GIPC1: variants seen among roughly 807,000 people sequenced by gnomAD.
The protein encoded by GIPC1 is GIPC PDZ domain containing family member 1.
Under a neutral mutation model 28.5 loss-of-function variants are expected in GIPC1, and 15 were observed. That is an observed-to-expected ratio of 0.53 (90% CI 0.35 to 0.81). The LOEUF (loss-of-function observed/expected upper bound fraction) is 0.81, where lower values mean the gene tolerates loss of function less well. Ranked by LOEUF, GIPC1 falls within the 30% of genes least tolerant of loss-of-function variation. GIPC1 has a pLI of 0.01. For missense variants in GIPC1, 439 were observed against 481.9 expected (o/e 0.91, Z 0.83); for synonymous variants, 224 against 206.1 (o/e 1.09, Z -0.74).
At position 14,482,461 on chromosome 19, in the gene GIPC1, C is replaced by T. The variant is rs2071748819; in HGVS notation, c.288+228G>A. On this transcript the variant is annotated intron_variant, in intron 4 of 8. Transcript: ENST00000393033. ...GGTCTCCCAGTGCCTGATGGGAACTCAGCATCCAGCCCTGGCCTCCAGTTC... is the reference window on the plus strand; with the variant it reads ...GGTCTCCCAGTGCCTGATGGGAACTTAGCATCCAGCCCTGGCCTCCAGTTC... The T allele has an allele frequency of 2.7e-5, 16 of 595,412 alleles. 1 individual carries two copies. In the South Asian group the frequency reaches 3.2e-4, roughly 12 times the overall value. The allele number at this position is 595,412 out of a possible 1,614,324, so 36.9% of individuals were successfully genotyped here.
chr19:14,483,064 C>T (rs2071767341), intron 3 of GIPC1, 58 bp from the exon 4 acceptor site: 4 of 1,221,570 alleles, frequency 3.3e-6, no homozygotes, highest in South Asian at 1.4e-5. Context: ...GCCCCTCCCA[C>T]ACTACTCGAA....
At chr19:14,479,209 G>T in intron 7 of GIPC1, among the ~76,000 whole-genome samples, 1 of 152,104 alleles carries the variant, frequency 6.6e-6, no homozygotes, top group East Asian at 1.9e-4. Flanking sequence ...AAAATCAGCT[G>T]GGCATGGTGG....
intron 3 of GIPC1, among the ~76,000 whole-genome samples, chr19:14,489,059 G>C (rs896114820): frequency 1.3e-5 from 2 of 151,916 alleles, no homozygotes; most frequent in Non-Finnish European, 2.9e-5. Flanking sequence ...CTGAATAGCT[G>C]AGACTACAGG....
intron 3 of GIPC1, among the ~76,000 whole-genome samples, chr19:14,487,566 C>G (rs1299756416): frequency 6.6e-6 from 1 of 151,914 alleles, no homozygotes; most frequent in East Asian, 1.9e-4. Flanking sequence ...CTCACAGATG[C>G]TATATAGGCT....
chr19:14,484,341 G>A (rs1410996447), intron 3 of GIPC1, among the ~76,000 whole-genome samples: 3 of 151,824 alleles, frequency 2.0e-5, no homozygotes, highest in African/African-American at 7.2e-5. Flanking sequence ...TCACCAAGTT[G>A]GCCAGGCTGG....
intron 1 of GIPC1, among the ~76,000 whole-genome samples, chr19:14,495,773 G>A (rs1174187453): frequency 6.6e-6 from 1 of 152,102 alleles, no homozygotes; most frequent in East Asian, 1.9e-4. Flanking sequence ...CCAGCCGGGG[G>A]ACGGGGGGAG....
At position 14,491,710 on chromosome 19, in the gene GIPC1, A is replaced by T. The variant is rs1329787004; in HGVS notation, c.-85T>A. 1 of 152,236 alleles carries T rather than the reference A, an allele frequency of 6.6e-6. No homozygotes were observed. Among genetic ancestry groups the T allele is most frequent in the East Asian group, 1.9e-4 (1 of 5,174 alleles). 9.4% of individuals were successfully genotyped at this position (152,236 alleles called of 1,614,324 possible). On this transcript the variant is annotated 5_prime_UTR_variant, in exon 3 of 9. Coordinates refer to ENST00000393033, the MANE Select transcript of GIPC1 (RefSeq NM_005716.4). ...TTCCCAGCTTCCACCCTCACCCCCT[A>T]CGACTTCTTGTCCAGACAGCAGCCA...
chr19:14,489,359 G>A (rs756054242), intron 3 of GIPC1: 3 of 782,564 alleles, frequency 3.8e-6, no homozygotes. Context: ...TCTGTTCCAA[G>A]GCATCTGTGA....
rs373236940 is a variant in GIPC1, at chr19:14,489,345, G to A, written c.-31+2311C>T. The A allele has an allele frequency of 5.8e-3, 4,496 of 779,214 alleles. 152 individuals carry two copies. The South Asian group carries it at 0.058, about 10-fold the overall frequency. 48.3% of individuals were successfully genotyped at this position (779,214 alleles called of 1,614,324 possible). On this transcript the variant is annotated intron_variant, in intron 3 of 8. Transcript: ENST00000393033. ...ACCGCGGTAGCGTGAGGGAAGCCGT[G>A]CGTTCTGTTCCAAGGCATCTGTGAG...
intron 3 of GIPC1, among the ~76,000 whole-genome samples, chr19:14,485,396 G>C (rs959293529): frequency 1.3e-5 from 2 of 150,912 alleles, no homozygotes; most frequent in Non-Finnish European, 2.9e-5. Flanking sequence ...GCTCACATCT[G>C]TAATCCCAGC....
intron 4 of GIPC1, 121 bp from the exon 5 acceptor site, chr19:14,480,899 A>C: frequency 1.4e-6 from 1 of 716,208 alleles, no homozygotes. Context: ...GTAACTCATC[A>C]CCCACTGAGC....
chr19:14,480,813 CT>C, intron 4 of GIPC1, 35 bp from the exon 5 acceptor site: 5 of 1,473,528 alleles, frequency 3.4e-6, no homozygotes, highest in Non-Finnish European at 4.7e-6. Context: ...CCTCTTCCCC[CT>C]CCCTCCCCCT....
intron 5 of GIPC1, 53 bp from the exon 6 acceptor site, chr19:14,480,538 T>A: frequency 1.2e-6 from 2 of 1,603,954 alleles, no homozygotes; most frequent in Non-Finnish European, 8.5e-7. Flanking sequence ...GTTTCCGGGG[T>A]CCCATGGCCC....
chr19:14,490,889 G>C (rs10421977), intron 3 of GIPC1, among the ~76,000 whole-genome samples: 53 of 149,632 alleles, frequency 3.5e-4, no homozygotes, highest in Non-Finnish European at 6.1e-4. Context: ...GCAGGAGAAT[G>C]GCGTGAACTC....
At chr19:14,490,712 G>A (rs2071951072) in intron 3 of GIPC1, among the ~76,000 whole-genome samples, 1 of 151,978 alleles carries the variant, frequency 6.6e-6, no homozygotes, top group South Asian at 2.1e-4. Context: ...GGTGGCTCAC[G>A]CCTGTAATCC....
rs760869584 is a variant in GIPC1, at chr19:14,482,829, G to T, written c.148C>A (p.Pro50Thr). ...SGGPQMGLPP[P>T]PPALRPRLVF... The stretch of plus-strand genomic sequence containing the variant: ...AGGCGGGGCCGCAGGGCTGGGGGAG[G>T]GGGGGGCAAGCCCATTTGGGGGCCC... The change falls in exon 4 of 9, where the codon CCT becomes ACT. Residue 50 changes from proline (P) to threonine (T), a missense_variant. Coordinates refer to ENST00000393033, the MANE Select transcript of GIPC1 (RefSeq NM_005716.4). 47 of 1,579,372 alleles carry T rather than the reference G, an allele frequency of 3.0e-5. No individual in the cohort carries two copies. Among genetic ancestry groups the T allele is most frequent in the Admixed American group, 3.6e-5 (2 of 55,156 alleles).
At chr19:14,493,788 T>C (rs1255960065) in intron 1 of GIPC1, among the ~76,000 whole-genome samples, 1 of 150,920 alleles carries the variant, frequency 6.6e-6, no homozygotes, top group Non-Finnish European at 1.5e-5. Context: ...CAGCCTCCCA[T>C]GTAGCTGTGA....
In GIPC1 at chr19:14,480,377, C is replaced by T; in HGVS notation, c.583G>A (p.Ala195Thr). The change falls in exon 6 of 9, where the codon GCC becomes ACC. Residue 195 changes from alanine to threonine, a missense_variant. By Grantham distance (58) the Ala-to-Thr change is moderately conservative. Coordinates refer to ENST00000393033, the MANE Select transcript of GIPC1 (RefSeq NM_005716.4). ...CGGGGCAGCTCCTTGAGCAGCCGGG[C>T]CACCTCGTAGTGCCGGCAGCCCAGC... Reference protein sequence around the residue: ...SLLGCRHYEVARLLKELPRGR... With the variant: ...SLLGCRHYEVTRLLKELPRGR... 6.2e-7 allele frequency: 1 copy of T among 1,612,658 alleles called. No homozygotes were observed. Among genetic ancestry groups the T allele is most frequent in the South Asian group, 1.1e-5 (1 of 91,024 alleles).
At chr19:14,483,882 G>A (rs544558788) in intron 3 of GIPC1, among the ~76,000 whole-genome samples, 25 of 152,038 alleles carry the variant, frequency 1.6e-4, no homozygotes, top group Non-Finnish European at 2.8e-4. Context: ...CACTTAGACT[G>A]GAGTGCAGTG....
Sources: gnomAD v4.1 joint callset for allele counts (sites outside exome capture counted in the v4.1 genomes callset) on GRCh38, gnomAD v4.1.1 for gene constraint, MANE v1.5 for transcripts, NCBI Gene and HGNC (gene_info 2026-07-23, HGNC 2026-07-21) for gene names.